Variants in TMEM132B observed in about 807,000 individuals in gnomAD.
TMEM132B encodes transmembrane protein 132B.
In TMEM132B, 18 loss-of-function variants were observed where a neutral mutation model predicts 90.8. That is an observed-to-expected ratio of 0.20 (90% CI 0.14 to 0.29). The LOEUF (loss-of-function observed/expected upper bound fraction) is 0.29, where lower values mean the gene tolerates loss of function less well. TMEM132B is among the 10% of genes least tolerant of loss of function. TMEM132B has a pLI of 1.00. For missense variants in TMEM132B, 1,096 were observed against 1,326.8 expected (o/e 0.83, Z 2.70); for synonymous variants, 504 against 523.3 (o/e 0.96, Z 0.50).
At chr12:125,483,778 T>C (rs1882123315) in intron 3 of TMEM132B, among the ~76,000 whole-genome samples, 1 of 152,206 alleles carries the variant, frequency 6.6e-6, no homozygotes, top group African/African-American at 2.4e-5. Flanking sequence ...ACTTTAGGGT[T>C]GTGCCTTTAA....
rs2136233651 is a variant in TMEM132B, at chr12:125,350,225, G to C, written c.841G>C (p.Val281Leu). 6.2e-7 allele frequency: 1 copy of C among 1,614,150 alleles called. No homozygotes were observed. The highest frequency in any genetic ancestry group is 8.5e-7 in the Non-Finnish European group (1 of 1,180,042). ...CCAAGATGATCTGAAGTGGTCCCTG[G>C]TGAGCTTGGACGAGAATGTGGTCAT... ...PTQDDLKWSL[V>L]SLDENVVISV... Residue 281 changes from valine to leucine, a missense_variant, in exon 2 of 9, where the codon GTG (valine) becomes CTG (leucine). Val to Leu is a conservative substitution (Grantham distance 32, BLOSUM62 1). Coordinates refer to ENST00000682704, the MANE Select transcript of TMEM132B (RefSeq NM_001366854.1).
chr12:125,350,545 T>C (rs780397539), intron 2 of TMEM132B, among the ~76,000 whole-genome samples: 4 of 152,216 alleles, frequency 2.6e-5, no homozygotes, highest in Non-Finnish European at 5.9e-5. Context: ...ATTTATGATC[T>C]GTGTGTTTTA....
At chr12:125,526,529 G>A (rs1272376880) in intron 4 of TMEM132B, among the ~76,000 whole-genome samples, 1 of 152,226 alleles carries the variant, frequency 6.6e-6, no homozygotes, top group East Asian at 1.9e-4. Context: ...TGCACTCATG[G>A]AATTGCCCAC....
chr12:125,597,991 A>G (rs929757763), intron 5 of TMEM132B, among the ~76,000 whole-genome samples: 3 of 152,180 alleles, frequency 2.0e-5, no homozygotes, highest in African/African-American at 7.2e-5. Flanking sequence ...AGGATTCAGA[A>G]TTGGCAATGG....
intron 5 of TMEM132B, chr12:125,588,185 G>A (rs572422819): frequency 1.2e-4 from 19 of 152,302 alleles, no homozygotes; most frequent in African/African-American, 3.6e-4. Context: ...CTTCCTCACC[G>A]TTTGACCTTG....
chr12:125,488,031 G>A (rs116367904), intron 3 of TMEM132B, among the ~76,000 whole-genome samples: 2,050 of 152,192 alleles, frequency 0.013, 37 homozygotes, highest in African/African-American at 0.047. Flanking sequence ...CTGTTTGTCT[G>A]GAAAAGGCTG....
chr12:125,463,088 T>C (rs777621111), intron 3 of TMEM132B, among the ~76,000 whole-genome samples: 11 of 152,252 alleles, frequency 7.2e-5, no homozygotes, highest in Non-Finnish European at 1.3e-4. Flanking sequence ...ATCTCTCAAA[T>C]ATTAAGTAAA....
At chr12:125,544,333 G>A (rs893975565) in intron 4 of TMEM132B, among the ~76,000 whole-genome samples, 7 of 151,868 alleles carry the variant, frequency 4.6e-5, no homozygotes, top group Non-Finnish European at 8.8e-5. Context: ...CATGTACCCC[G>A]GAACTTAAAA....
rs1797566445 is a variant in TMEM132B at position 125,534,200 on chromosome 12, A to G, written c.1293+14575A>G. ...GAACTTCAAAAAACCATTAATCACT[A>G]CAAGGAATACTGGTTTTTTAAAAAT... On this transcript the variant is annotated intron_variant, in intron 4 of 8. Transcript: ENST00000682704. Among the ~76,000 whole-genome samples the G allele has an allele frequency of 1.3e-5, 2 of 152,210 alleles. 1 individual carries two copies. The highest frequency in any genetic ancestry group is 4.1e-4 in the South Asian group (2 of 4,830).
At position 125,432,399 on chromosome 12, in the gene TMEM132B, G is replaced by GTGTATGTATGTGTATATATATA. The variant is rs1880543278; in HGVS notation, c.1106+16723_1106+16724insGTATGTATGTGTATATATATAT. 2.0e-4 allele frequency among the ~76,000 whole-genome samples: 2 copies of GTGTATGTATGTGTATATATATA among 10,192 alleles called. 1 individual carries two copies. Among genetic ancestry groups the GTGTATGTATGTGTATATATATA allele is most frequent in the East Asian group, 7.9e-3 (2 of 252 alleles). 6.7% of individuals were successfully genotyped at this position (10,192 alleles called of 152,430 possible). A position where few individuals can be genotyped will look rare whatever the true frequency, so the allele number is the denominator to read the frequency against. On this transcript the variant is annotated intron_variant, in intron 3 of 8. Coordinates refer to ENST00000682704, the MANE Select transcript of TMEM132B (RefSeq NM_001366854.1). ...TATATATATATATATATATATATATGTATGTATGTGTATATATATATATGT... is the reference window on the plus strand; with the variant it reads ...TATATATATATATATATATATATATGTGTATGTATGTGTATATATATATATGTATGTGTATATATATATATGT...
At chr12:125,467,452 C>T (rs1881595120) in intron 3 of TMEM132B, among the ~76,000 whole-genome samples, 2 of 151,968 alleles carry the variant, frequency 1.3e-5, no homozygotes, top group Non-Finnish European at 1.5e-5. Context: ...TCTTCTTCTT[C>T]TCCTTTGGAA....
intron 1 of TMEM132B, among the ~76,000 whole-genome samples, chr12:125,329,553 T>A (rs1876700803): frequency 6.6e-6 from 1 of 152,150 alleles, no homozygotes. Context: ...AGGCACTGAC[T>A]TGAGGAGGAT....
At chr12:125,245,248 T>C (rs1874179324) in intron 1 of TMEM132B, among the ~76,000 whole-genome samples, 1 of 152,104 alleles carries the variant, frequency 6.6e-6, no homozygotes, top group South Asian at 2.1e-4. Context: ...GAACCTTTCC[T>C]TGTTCCCAGA....
chr12:125,343,881 A>G (rs1329484808), intron 1 of TMEM132B, among the ~76,000 whole-genome samples: 1 of 152,236 alleles, frequency 6.6e-6, no homozygotes, highest in African/African-American at 2.4e-5. Context: ...TGATGGGCAA[A>G]TGCTGTGTTA....
At chr12:125,527,894 T>G (rs187908999) in intron 4 of TMEM132B, among the ~76,000 whole-genome samples, 1 of 152,338 alleles carries the variant, frequency 6.6e-6, no homozygotes, top group African/African-American at 2.4e-5. Flanking sequence ...GAAAATGGAA[T>G]GGATGAAAGT....
chr12:125,553,598 G>A (rs558481547), intron 4 of TMEM132B, among the ~76,000 whole-genome samples: 1 of 152,196 alleles, frequency 6.6e-6, no homozygotes. Flanking sequence ...AAGACTGAGT[G>A]TAGTGAAGAC....
At chr12:125,494,380 C>T (rs1460617860) in intron 3 of TMEM132B, among the ~76,000 whole-genome samples, 1 of 125,262 alleles carries the variant, frequency 8.0e-6, no homozygotes, top group Non-Finnish European at 1.7e-5. Flanking sequence ...AAATGGGCAC[C>T]TCCCTCCTCC....
At position 125,567,140 on chromosome 12, in the gene TMEM132B, G is replaced by A. The variant is rs115496338; in HGVS notation, c.1294-16711G>A. 9.3e-3 allele frequency among the ~76,000 whole-genome samples: 1,421 copies of A among 152,164 alleles called. 19 individuals are homozygous for A. Among genetic ancestry groups the A allele is most frequent in the African/African-American group, 0.031 (1,307 of 41,518 alleles). The stretch of plus-strand genomic sequence containing the variant: ...ATTACAGGCATGAGCTACTGCAGCC[G>A]GCTGTCTTTTTGGCTGACAACCACA... On this transcript the variant is annotated intron_variant, in intron 4 of 8. Transcript: ENST00000682704.
At chr12:125,190,515 A>G (rs1485620321) in intron 1 of TMEM132B, among the ~76,000 whole-genome samples, 4 of 81,994 alleles carry the variant, frequency 4.9e-5, no homozygotes, top group South Asian at 5.4e-4. Flanking sequence ...AGGGGTGGTG[A>G]TGGTGATGGG....
Sources: gnomAD v4.1 joint callset for allele counts (sites outside exome capture counted in the v4.1 genomes callset) on GRCh38, gnomAD v4.1.1 for gene constraint, MANE v1.5 for transcripts, NCBI Gene and HGNC (gene_info 2026-07-23, HGNC 2026-07-21) for gene names.